The following MCOLN2 variants were observed in gnomAD, a reference collection of about 807,000 sequenced individuals.
The protein encoded by MCOLN2 is mucolipin-2.
Under a neutral mutation model 67.5 loss-of-function variants are expected in MCOLN2, and 57 were observed. The ratio of observed to expected loss-of-function variants is 0.84; its 90% CI spans 0.68 to 1.05. MCOLN2 has a LOEUF of 1.05. Ranked by LOEUF, MCOLN2 falls within the 50% of genes least tolerant of loss-of-function variation. MCOLN2 has a pLI of 0.00. For synonymous variants in MCOLN2, 246 were observed against 233.3 expected (o/e 1.05, Z -0.50); for missense variants, 620 against 678.8 (o/e 0.91, Z 0.96).
intron 12 of MCOLN2, among the ~76,000 whole-genome samples, chr1:84,931,150 C>T (rs1203438823): frequency 3.9e-5 from 6 of 152,134 alleles, no homozygotes; most frequent in Non-Finnish European, 8.8e-5. Flanking sequence ...CCCCATTTCC[C>T]TTTTCTTTCC....
chr1:84,926,279 A>G lies in MCOLN2; in HGVS notation c.*406T>C, dbSNP rs1336623431. 1 of 156,630 alleles carries G rather than the reference A, an allele frequency of 6.4e-6. No homozygotes were observed. The highest frequency in any genetic ancestry group is 1.4e-5 in the Non-Finnish European group (1 of 71,212). The allele number at this position is 156,630 out of a possible 1,614,324, so 9.7% of individuals were successfully genotyped here. A position where few individuals can be genotyped will look rare whatever the true frequency, so the allele number is the denominator to read the frequency against. On this transcript the variant is annotated 3_prime_UTR_variant, in exon 14 of 14. Transcript: ENST00000370608. ...TCATTTCTGTACAGACCATGAATTA[A>G]CAAATGTCTTCAAACCCAAGAATCA...
intron 2 of MCOLN2, among the ~76,000 whole-genome samples, chr1:84,961,230 C>T (rs1649071951): frequency 6.6e-6 from 1 of 152,190 alleles, no homozygotes; most frequent in African/African-American, 2.4e-5. Flanking sequence ...GTTCTCTCAA[C>T]CTCTTGGCCC....
intron 11 of MCOLN2, among the ~76,000 whole-genome samples, chr1:84,932,708 G>A (rs555879211): frequency 1.3e-5 from 2 of 152,070 alleles, no homozygotes; most frequent in East Asian, 3.9e-4. Context: ...ACTCTTCCCC[G>A]CTTTCAGTCT....
In MCOLN2 at chr1:84,925,604, A is replaced by G. The variant is rs912859070; in HGVS notation, c.*1081T>C. On this transcript the variant is annotated 3_prime_UTR_variant, in exon 14 of 14. Transcript: ENST00000370608. The stretch of plus-strand genomic sequence containing the variant: ...CATATGGAATGATGAAAATAAATTT[A>G]TTTAGAGAAAATATATCATATTTCT... 1.3e-5 allele frequency: 2 copies of G among 152,240 alleles called. No individual in the cohort carries two copies. The highest frequency in any genetic ancestry group is 4.8e-5 in the African/African-American group (2 of 41,460). 9.4% of individuals were successfully genotyped at this position (152,240 alleles called of 1,614,324 possible).
At chr1:84,927,441 T>C (rs1483366534) in intron 13 of MCOLN2, among the ~76,000 whole-genome samples, 2 of 152,160 alleles carry the variant, frequency 1.3e-5, no homozygotes, top group East Asian at 1.9e-4. Flanking sequence ...CTGGAAGAGG[T>C]TTCAGAGGTC....
At chr1:84,996,583 G>A (rs943270124) in intron 1 of MCOLN2, among the ~76,000 whole-genome samples, 1 of 151,852 alleles carries the variant, frequency 6.6e-6, no homozygotes, top group Non-Finnish European at 1.5e-5. Flanking sequence ...AAAGGCCGAG[G>A]AACTGGGGTT....
Position 84,926,589 on chromosome 1 carries a change from A to G in MCOLN2, c.*96T>C. On this transcript the variant is annotated 3_prime_UTR_variant, in exon 14 of 14. Coordinates refer to ENST00000370608, the MANE Select transcript of MCOLN2 (RefSeq NM_153259.4). ...CTTTCCCACTCCACAATTAAATAAGAGAGTCATTTTGGAACTGCTTGTCCA... is the reference window on the plus strand; with the variant it reads ...CTTTCCCACTCCACAATTAAATAAGGGAGTCATTTTGGAACTGCTTGTCCA... 1.2e-6 allele frequency: 1 copy of G among 816,484 alleles called. No homozygotes were observed. Among genetic ancestry groups the G allele is most frequent in the Non-Finnish European group, 1.9e-6 (1 of 525,906 alleles). The allele number at this position is 816,484 out of a possible 1,614,324, so 50.6% of individuals were successfully genotyped here. A position where few individuals can be genotyped will look rare whatever the true frequency, so the allele number is the denominator to read the frequency against.
At chr1:84,988,098 AT>A (rs1650710005) in intron 1 of MCOLN2, among the ~76,000 whole-genome samples, 1 of 152,204 alleles carries the variant, frequency 6.6e-6, no homozygotes, top group Non-Finnish European at 1.5e-5. Context: ...TGCTATTAGT[AT>A]TTTTAAAAAA....
chr1:84,990,751 T>C (rs552388446), intron 1 of MCOLN2, among the ~76,000 whole-genome samples: 1 of 151,648 alleles, frequency 6.6e-6, no homozygotes, highest in South Asian at 2.1e-4. Context: ...GACCCCCATC[T>C]CTAGAAATAA....
chr1:84,965,750 C>A (rs749088115), intron 1 of MCOLN2, 42 bp from the exon 2 acceptor site: 3 of 1,586,442 alleles, frequency 1.9e-6, no homozygotes, highest in Admixed American at 1.8e-5. Flanking sequence ...GAAAGCCTCT[C>A]CCTCAGTTCC....
Position 84,929,683 on chromosome 1 carries a change from T to C in MCOLN2, c.1543-4A>G, listed in dbSNP as rs560920117. On this transcript the variant is annotated splice_polypyrimidine_tract_variant and splice_region_variant and intron_variant, in intron 12 of 13. Coordinates refer to ENST00000370608, the MANE Select transcript of MCOLN2 (RefSeq NM_153259.4). ...GAAACCCATTCTGTTGGAATTTCTTTAGAAAGTACACAATGTTGTTACCTT... is the reference window on the plus strand; with the variant it reads ...GAAACCCATTCTGTTGGAATTTCTTCAGAAAGTACACAATGTTGTTACCTT... The C allele has an allele frequency of 1.2e-6, 2 of 1,612,420 alleles. No individual in the cohort carries two copies. The highest frequency in any genetic ancestry group is 4.5e-5 in the East Asian group (2 of 44,808).
intron 11 of MCOLN2, among the ~76,000 whole-genome samples, chr1:84,933,756 G>C (rs1470336583): frequency 6.6e-6 from 1 of 152,164 alleles, no homozygotes; most frequent in Non-Finnish European, 1.5e-5. Context: ...CAAATAGCTA[G>C]TTTGTCAGTA....
At chr1:84,992,361 T>C (rs1412726863) in intron 1 of MCOLN2, among the ~76,000 whole-genome samples, 1 of 152,078 alleles carries the variant, frequency 6.6e-6, no homozygotes, top group African/African-American at 2.4e-5. Context: ...AAAAGGAATA[T>C]GGACAACATT....
chr1:84,935,053 C>G (rs1290739045), intron 11 of MCOLN2, among the ~76,000 whole-genome samples: 2 of 152,142 alleles, frequency 1.3e-5, no homozygotes, highest in African/African-American at 4.8e-5. Flanking sequence ...CACAAAAATG[C>G]CCGCTTGGAA....
chr1:84,956,537 T>G lies in MCOLN2; in HGVS notation c.459A>C (p.Glu153Asp). The G allele has an allele frequency of 6.2e-7, 1 of 1,611,564 alleles. No individual in the cohort carries two copies. The highest frequency in any genetic ancestry group is 8.5e-7 in the Non-Finnish European group (1 of 1,179,238). ...DITLGTLGYGENEDNRIGLKV... is the reference protein window; with the variant it reads ...DITLGTLGYGDNEDNRIGLKV... The stretch of plus-strand genomic sequence containing the variant: ...TTAAGCCAATTCTATTGTCTTCATT[T>G]TCTCCATAACCAAGGGTCCCCAGGG... Residue 153 changes from glutamate (E) to aspartate (D), a missense_variant, in exon 4 of 14, where the codon GAA (glutamate) becomes GAC (aspartate). By Grantham distance (45) the Glu-to-Asp change is conservative. Transcript: ENST00000370608.
At chr1:84,967,681 G>A (rs1475795152) in intron 1 of MCOLN2, among the ~76,000 whole-genome samples, 1 of 143,790 alleles carries the variant, frequency 7.0e-6, no homozygotes, top group Non-Finnish European at 1.5e-5. Flanking sequence ...GAAAGAAAGA[G>A]AGAAAGCAAG....
chr1:84,957,549 C>T (rs1271225584), intron 3 of MCOLN2, among the ~76,000 whole-genome samples: 3 of 152,174 alleles, frequency 2.0e-5, no homozygotes, highest in African/African-American at 7.2e-5. Flanking sequence ...CCAATCCTCA[C>T]CTTGCCATGT....
At chr1:84,927,005 C>T (rs1661191250) in intron 13 of MCOLN2, among the ~76,000 whole-genome samples, 1 of 151,500 alleles carries the variant, frequency 6.6e-6, no homozygotes, top group East Asian at 1.9e-4. Context: ...ACCTCCATGC[C>T]CCCAGGGAGG....
At chr1:84,984,419 A>G (rs1457713920) in intron 1 of MCOLN2, among the ~76,000 whole-genome samples, 1 of 152,088 alleles carries the variant, frequency 6.6e-6, no homozygotes, top group Admixed American at 6.5e-5. Flanking sequence ...CTTTTGCTCA[A>G]ATCTACCTGG....
Sources: allele counts gnomAD v4.1 joint callset (sites outside exome capture counted in the v4.1 genomes callset), GRCh38; gene constraint gnomAD v4.1.1; transcripts MANE v1.5; gene names NCBI Gene and HGNC (gene_info 2026-07-23, HGNC 2026-07-21).